DPYD: variants seen among roughly 807,000 people sequenced by gnomAD.
DPYD encodes the protein dihydropyrimidine dehydrogenase [NADP(+)].
A neutral mutation model predicts 116.2 loss-of-function variants in DPYD; 109 were observed. The ratio of observed to expected loss-of-function variants is 0.94; its 90% CI spans 0.80 to 1.10. The LOEUF (loss-of-function observed/expected upper bound fraction) is 1.10, where lower values mean the gene tolerates loss of function less well. DPYD is among the 50% of genes least tolerant of loss of function. The pLI, the probability that DPYD is intolerant of heterozygous loss-of-function variation, is 0.00. For synonymous variants in DPYD, 440 were observed against 432.0 expected (o/e 1.02, Z -0.23); for missense variants, 1,302 against 1,254.5 (o/e 1.04, Z -0.57).
chr1:97,175,332 G>A (rs1175981325), intron 20 of DPYD, among the ~76,000 whole-genome samples: 1 of 152,116 alleles, frequency 6.6e-6, no homozygotes, highest in Admixed American at 6.6e-5. Flanking sequence ...TTCTTGTTCA[G>A]TGCTTTCCTT....
chr1:97,572,870 A>G (rs1384260386), intron 11 of DPYD, among the ~76,000 whole-genome samples: 1 of 152,046 alleles, frequency 6.6e-6, no homozygotes, highest in Non-Finnish European at 1.5e-5. Context: ...TTTCATGTAT[A>G]TATCTCTTCC....
intron 14 of DPYD, among the ~76,000 whole-genome samples, chr1:97,394,925 T>C (rs1451229327): frequency 6.6e-6 from 1 of 151,978 alleles, no homozygotes; most frequent in African/African-American, 2.4e-5. Flanking sequence ...TGAAGCAAGA[T>C]ATCTAAGTAG....
chr1:97,154,985 T>C (rs1396433441), intron 20 of DPYD, among the ~76,000 whole-genome samples: 1 of 152,166 alleles, frequency 6.6e-6, no homozygotes, highest in Non-Finnish European at 1.5e-5. Flanking sequence ...CCTAAGTAAG[T>C]TAATGTGTTT....
At chr1:97,102,398 T>TATATATATATAC (rs1459500200) in intron 20 of DPYD, among the ~76,000 whole-genome samples, 3 of 136,340 alleles carry the variant, frequency 2.2e-5, no homozygotes, top group Non-Finnish European at 4.8e-5. Flanking sequence ...CTCAGTATCA[T>TATATATATATAC]ATATATATAT....
intron 14 of DPYD, among the ~76,000 whole-genome samples, chr1:97,448,083 G>A (rs375213397): frequency 6.6e-6 from 1 of 152,056 alleles, no homozygotes; most frequent in African/African-American, 2.4e-5. Context: ...AATTAGCCGG[G>A]CATGGTGGCA....
At chr1:97,180,039 G>C (rs1328907386) in intron 20 of DPYD, among the ~76,000 whole-genome samples, 1 of 152,066 alleles carries the variant, frequency 6.6e-6, no homozygotes, top group Non-Finnish European at 1.5e-5. Flanking sequence ...TAAGCTCCCA[G>C]GGTTTTGGTA....
intron 18 of DPYD, among the ~76,000 whole-genome samples, chr1:97,286,326 G>A (rs1486488174): frequency 2.0e-5 from 3 of 152,286 alleles, no homozygotes; most frequent in East Asian, 1.9e-4. Flanking sequence ...TGGGTATCCC[G>A]ACCTTTCTCT....
intron 11 of DPYD, among the ~76,000 whole-genome samples, chr1:97,572,499 T>C (rs571686207): frequency 6.6e-6 from 1 of 152,076 alleles, no homozygotes; most frequent in African/African-American, 2.4e-5. Flanking sequence ...AGGCAAATAA[T>C]CAACAGAATT....
chr1:97,333,060 C>CTTTTT (rs10681575), intron 16 of DPYD, among the ~76,000 whole-genome samples: 1 of 133,864 alleles, frequency 7.5e-6, no homozygotes, highest in South Asian at 2.4e-4. Flanking sequence ...ACTGCTAATT[C>CTTTTT]TTTTTTTTTT....
chr1:97,742,534 T>A (rs780035150), intron 3 of DPYD, among the ~76,000 whole-genome samples: 4 of 152,156 alleles, frequency 2.6e-5, no homozygotes, highest in Non-Finnish European at 5.9e-5. Flanking sequence ...TTTAGTTGAA[T>A]TCCTGTCTGC....
chr1:97,292,097 A>T (rs918232062), intron 18 of DPYD, among the ~76,000 whole-genome samples: 4 of 152,122 alleles, frequency 2.6e-5, no homozygotes, highest in African/African-American at 9.7e-5. Context: ...TTGAAAATAT[A>T]TATGCTTGGC....
chr1:97,483,703 G>C (rs1055971202), intron 13 of DPYD, among the ~76,000 whole-genome samples: 2 of 152,038 alleles, frequency 1.3e-5, no homozygotes, highest in Non-Finnish European at 2.9e-5. Flanking sequence ...GGCCAGGAGG[G>C]CTCCTTACCC....
intron 13 of DPYD, among the ~76,000 whole-genome samples, chr1:97,507,961 G>A (rs1647473407): frequency 6.6e-6 from 1 of 151,966 alleles, no homozygotes. Context: ...CTGAAGAGCT[G>A]TCATGTGGAA....
chr1:97,617,910 G>A (rs989100044), intron 8 of DPYD, among the ~76,000 whole-genome samples: 3 of 152,140 alleles, frequency 2.0e-5, no homozygotes, highest in Non-Finnish European at 2.9e-5. Flanking sequence ...ATGAAAAGAA[G>A]GAAAAAGTCT....
chr1:97,736,003 T>C (rs1374736310), intron 4 of DPYD, among the ~76,000 whole-genome samples: 1 of 151,928 alleles, frequency 6.6e-6, no homozygotes, highest in Non-Finnish European at 1.5e-5. Context: ...ATGTATCTAA[T>C]AAGAGCTTCA....
chr1:97,642,160 A>G (rs1657946008), intron 8 of DPYD, among the ~76,000 whole-genome samples: 1 of 152,176 alleles, frequency 6.6e-6, no homozygotes, highest in Non-Finnish European at 1.5e-5. Context: ...ATATGGTGAA[A>G]ATGGCCATAG....
At chr1:97,169,485 A>G (rs1374675768) in intron 20 of DPYD, among the ~76,000 whole-genome samples, 2 of 146,890 alleles carry the variant, frequency 1.4e-5, no homozygotes, top group East Asian at 2.1e-4. Context: ...CCAGATGCCT[A>G]TGATAATTGA....
At chr1:97,735,901 G>A (rs1663915536) in intron 4 of DPYD, among the ~76,000 whole-genome samples, 2 of 151,600 alleles carry the variant, frequency 1.3e-5, no homozygotes, top group Non-Finnish European at 2.9e-5. Context: ...AGAATTGAAG[G>A]AAATTATCTA....
intron 12 of DPYD, among the ~76,000 whole-genome samples, chr1:97,542,641 T>G (rs1650536756): frequency 6.6e-6 from 1 of 152,224 alleles, no homozygotes; most frequent in African/African-American, 2.4e-5. Context: ...AACTTGATGC[T>G]TTTTATTATT....
Sources: allele counts gnomAD v4.1 joint callset (sites outside exome capture counted in the v4.1 genomes callset), GRCh38; gene constraint gnomAD v4.1.1; transcripts MANE v1.5; gene names NCBI Gene and HGNC (gene_info 2026-07-23, HGNC 2026-07-21).